LRRC14B: variants seen among roughly 807,000 people sequenced by gnomAD.
The protein encoded by LRRC14B is leucine rich repeat containing 14B.
Under a neutral mutation model 16.9 loss-of-function variants are expected in LRRC14B, and 23 were observed. The ratio of observed to expected loss-of-function variants is 1.36; its 90% CI spans 0.98 to 1.92. The LOEUF (loss-of-function observed/expected upper bound fraction) is 1.92. Among genes scored for constraint, LRRC14B ranks in the 30% most tolerant of loss-of-function variants. LRRC14B has a pLI of 0.00. For synonymous variants in LRRC14B, 358 were observed against 332.5 expected (o/e 1.08, Z -0.83); for missense variants, 766 against 705.7 (o/e 1.09, Z -0.97).
At chr5:193,516 GTGGGT>G in intron 1 of LRRC14B, among the ~76,000 whole-genome samples, 1 of 148,160 alleles carries the variant, frequency 6.7e-6, no homozygotes, top group African/African-American at 2.5e-5. Flanking sequence ...GTGCCTGGTG[GTGGGT>G]CCTGAAGTGG....
chr5:193,443 C>G (rs1399991395), intron 1 of LRRC14B, among the ~76,000 whole-genome samples: 7 of 133,928 alleles, frequency 5.2e-5, no homozygotes, highest in African/African-American at 2.1e-4. Context: ...GGGCACATGG[C>G]AGTGGGTCCT....
At position 191,917 on chromosome 5, in the gene LRRC14B, A is replaced by G; in HGVS notation, c.379A>G (p.Arg127Gly). ...DVQVQRCPCG[R>G]ALGRWGRTQL... is the part of the protein sequence containing the mutation. ...GCAGGTGCAGCGGTGCCCGTGCGGG[A>G]GGGCGCTGGGCAGGTGGGGCCGCAC... The change falls in exon 1 of 2, where the codon AGG (arginine) becomes GGG (glycine). Residue 127 changes from arginine to glycine, a missense_variant. Transcript: ENST00000328278. 1 of 1,504,402 alleles carries G rather than the reference A, an allele frequency of 6.6e-7. No individual in the cohort carries two copies. Among genetic ancestry groups the G allele is most frequent in the Non-Finnish European group, 8.8e-7 (1 of 1,131,588 alleles). 93.2% of individuals were successfully genotyped at this position (1,504,402 alleles called of 1,614,324 possible).
rs1446540904 is a variant in LRRC14B at position 195,005 on chromosome 5, G to A, written c.1197G>A (p.Pro399=). The A allele has an allele frequency of 1.1e-5, 18 of 1,613,096 alleles. No individual in the cohort carries two copies. The highest frequency in any genetic ancestry group is 2.7e-5 in the African/African-American group (2 of 74,936). The part of the protein sequence containing the change: ...RLRQLKFLGN[P]LSARALRRLF... ...GCCAGCTCAAGTTCCTCGGGAACCC[G>A]CTGTCGGCCCGCGCCCTCCGGCGCC... Residue 399 remains proline (P), a synonymous_variant, in exon 2 of 2, where the codon CCG becomes CCA. Transcript: ENST00000328278.
chr5:192,231 G>C lies in LRRC14B; in HGVS notation c.693G>C (p.Gln231His). The C allele has an allele frequency of 6.3e-7, 1 of 1,595,682 alleles. No individual in the cohort carries two copies. Among genetic ancestry groups the C allele is most frequent in the Non-Finnish European group, 8.5e-7 (1 of 1,172,012 alleles). Residue 231 changes from glutamine to histidine, a missense_variant, in exon 1 of 2, where the codon CAG (glutamine) becomes CAC (histidine). Physicochemically the swap from Gln to His is conservative, Grantham distance 24 (BLOSUM62 0). Coordinates refer to ENST00000328278, the MANE Select transcript of LRRC14B (RefSeq NM_001080478.3). Reference protein sequence around the residue: ...NVRLHAGHVQQLLAQVGFPRL... With the variant: ...NVRLHAGHVQHLLAQVGFPRL... Reference sequence around the variant, plus strand: ...GGCTGCATGCGGGCCACGTGCAGCAGCTTCTGGCCCAGGTGGGCTTCCCCC... The same window carrying C: ...GGCTGCATGCGGGCCACGTGCAGCACCTTCTGGCCCAGGTGGGCTTCCCCC...
intron 1 of LRRC14B, among the ~76,000 whole-genome samples, chr5:193,541 G>T (rs1419603276): frequency 6.9e-6 from 1 of 145,724 alleles, no homozygotes; most frequent in Non-Finnish European, 1.5e-5. Flanking sequence ...GGGGCACCTG[G>T]TGGTGAGTCC....
In LRRC14B at chr5:194,854, C is replaced by T. The variant is rs765538639; in HGVS notation, c.1046C>T (p.Ser349Leu). The change falls in exon 2 of 2, where the codon TCG becomes TTG. Residue 349 changes from serine to leucine, a missense_variant. Transcript: ENST00000328278. ...CACAACCTGGTCAGCCTGTACCCCT[C>T]GACCTTCTTCAGGCTGCTCAGCCAG... ...SGHNLVSLYP[S>L]TFFRLLSQAS... 1.1e-5 allele frequency: 17 copies of T among 1,593,308 alleles called. No homozygotes were observed. The highest frequency in any genetic ancestry group is 6.9e-5 in the East Asian group (3 of 43,532).
intron 1 of LRRC14B, among the ~76,000 whole-genome samples, chr5:193,236 G>T (rs1407355120): frequency 2.6e-5 from 4 of 151,264 alleles, no homozygotes; most frequent in Non-Finnish European, 4.4e-5. Context: ...AGCTGGCGGT[G>T]GGTATTGGGG....
Position 191,728 on chromosome 5 carries a change from C to T in LRRC14B, c.190C>T (p.Leu64=), listed in dbSNP as rs1733795225. The change falls in exon 1 of 2, where the codon CTG becomes TTG. Residue 64 remains leucine, a synonymous_variant. Coordinates refer to ENST00000328278, the MANE Select transcript of LRRC14B (RefSeq NM_001080478.3). ...LGRWPLEEFR[L]GALLGPGADH... ...GCGCTGGCCCCTGGAGGAGTTCCGG[C>T]TGGGAGCGCTGCTGGGTCCTGGTGC... 1.3e-6 allele frequency: 2 copies of T among 1,571,506 alleles called. No individual in the cohort carries two copies. Among genetic ancestry groups the T allele is most frequent in the Admixed American group, 1.9e-5 (1 of 53,998 alleles).
Position 194,951 on chromosome 5 carries a change from C to A in LRRC14B, c.1143C>A (p.Ile381=), listed in dbSNP as rs370177617. The A allele has an allele frequency of 2.5e-5, 40 of 1,613,464 alleles. No individual in the cohort carries two copies. The highest frequency in any genetic ancestry group is 3.2e-5 in the Non-Finnish European group (38 of 1,179,736). ...TAGACAGCCACGTTGGCATGCTGAT[C>A]CTGGGCCTGAGCCCCTGCCACCGGC... ...GIVDSHVGML[I]LGLSPCHRLR... The change falls in exon 2 of 2, where the codon ATC becomes ATA. Residue 381 remains isoleucine (I), a synonymous_variant. Coordinates refer to ENST00000328278, the MANE Select transcript of LRRC14B (RefSeq NM_001080478.3).
Position 192,257 on chromosome 5 carries a change from G to C in LRRC14B, c.719G>C (p.Arg240Pro). ...CTTCTGGCCCAGGTGGGCTTCCCCC[G>C]GCTGGCCTCGCTCACCCTGCCCACC... is the stretch of plus-strand genomic sequence containing the variant. ...QQLLAQVGFP[R>P]LASLTLPTKA... is the part of the protein sequence containing the mutation. The change falls in exon 1 of 2, where the codon CGG becomes CCG. Residue 240 changes from arginine to proline, a missense_variant. Coordinates refer to ENST00000328278, the MANE Select transcript of LRRC14B (RefSeq NM_001080478.3). The C allele has an allele frequency of 6.3e-7, 1 of 1,594,390 alleles. No individual in the cohort carries two copies. The highest frequency in any genetic ancestry group is 8.5e-7 in the Non-Finnish European group (1 of 1,171,268).
At position 194,965 on chromosome 5, in the gene LRRC14B, C is replaced by T; in HGVS notation, c.1157C>T (p.Pro386Leu). 2 of 1,613,612 alleles carry T rather than the reference C, an allele frequency of 1.2e-6. No homozygotes were observed. ...GGCATGCTGATCCTGGGCCTGAGCCCCTGCCACCGGCTGCGCCAGCTCAAG... is the reference window on the plus strand; with the variant it reads ...GGCATGCTGATCCTGGGCCTGAGCCTCTGCCACCGGCTGCGCCAGCTCAAG... Reference protein sequence around the residue: ...HVGMLILGLSPCHRLRQLKFL... With the variant: ...HVGMLILGLSLCHRLRQLKFL... Residue 386 changes from proline to leucine, a missense_variant, in exon 2 of 2, where the codon CCC becomes CTC. By Grantham distance (98) the Pro-to-Leu change is moderately conservative. Coordinates refer to ENST00000328278, the MANE Select transcript of LRRC14B (RefSeq NM_001080478.3).
chr5:194,578 T>C (rs1445251159), intron 1 of LRRC14B, 130 bp from the exon 2 acceptor site: 1 of 780,324 alleles, frequency 1.3e-6, no homozygotes, highest in Non-Finnish European at 2.0e-6. Context: ...CTGTATGAAA[T>C]TAGGCGGTGG....
chr5:193,533 GGCACCT>G (rs1160809896), intron 1 of LRRC14B, among the ~76,000 whole-genome samples: 79 of 148,536 alleles, frequency 5.3e-4, no homozygotes, highest in Admixed American at 1.5e-3. Context: ...CTGAAGTGGG[GGCACCT>G]GGTGGTGAGT....
In LRRC14B at chr5:191,764, C is replaced by G. The variant is rs775802523; in HGVS notation, c.226C>G (p.Gln76Glu). The G allele has an allele frequency of 3.2e-6, 5 of 1,546,858 alleles. No homozygotes were observed. In the Admixed American group the frequency reaches 5.8e-5, roughly 18 times the overall value. ...ALLGPGADHP[Q>E]DLRDRTCRAC... The stretch of plus-strand genomic sequence containing the variant: ...GCTGGGTCCTGGTGCCGACCACCCC[C>G]AGGACCTGCGCGACAGAACCTGCAG... Residue 76 changes from glutamine to glutamate, a missense_variant, in exon 1 of 2, where the codon CAG becomes GAG. Transcript: ENST00000328278.
Position 191,754 on chromosome 5 carries a change from C to T in LRRC14B, c.216C>T (p.Ala72=), listed in dbSNP as rs544622005. ...FRLGALLGPG[A]DHPQDLRDRT... The stretch of plus-strand genomic sequence containing the variant: ...TGGGAGCGCTGCTGGGTCCTGGTGC[C>T]GACCACCCCCAGGACCTGCGCGACA... The change falls in exon 1 of 2, where the codon GCC becomes GCT. Residue 72 remains alanine (A), a synonymous_variant. Transcript: ENST00000328278. 9.7e-6 allele frequency: 15 copies of T among 1,552,784 alleles called. No homozygotes were observed. The highest frequency in any genetic ancestry group is 1.7e-4 in the Middle Eastern group (1 of 5,824).
At chr5:193,710 C>T (rs1733855386) in intron 1 of LRRC14B, among the ~76,000 whole-genome samples, 2 of 150,996 alleles carry the variant, frequency 1.3e-5, no homozygotes, top group Admixed American at 1.3e-4. Flanking sequence ...GGGGGCATGC[C>T]TGGCGTGGTT....
intron 1 of LRRC14B, 55 bp from the exon 2 acceptor site, chr5:194,653 C>T (rs554725372): frequency 6.6e-6 from 10 of 1,512,440 alleles, no homozygotes; most frequent in Non-Finnish European, 7.1e-6. Flanking sequence ...CCTGAGCCCT[C>T]GGCTCCTTCC....
rs891342896 is a variant in LRRC14B at position 195,675 on chromosome 5, C to T, written c.*322C>T. On this transcript the variant is annotated 3_prime_UTR_variant, in exon 2 of 2. Coordinates refer to ENST00000328278, the MANE Select transcript of LRRC14B (RefSeq NM_001080478.3). ...AAGCCCGGGAGGTGTGAGGAGTGGC[C>T]GACCTGGCCTCAGCGCATCTGGGCA... The T allele has an allele frequency of 1.2e-4, 47 of 388,028 alleles. No homozygotes were observed. Among genetic ancestry groups the T allele is most frequent in the Middle Eastern group, 7.7e-4 (1 of 1,296 alleles). 24.0% of individuals were successfully genotyped at this position (388,028 alleles called of 1,614,324 possible).
At chr5:193,420 T>C (rs1406042847) in intron 1 of LRRC14B, among the ~76,000 whole-genome samples, 2 of 139,304 alleles carry the variant, frequency 1.4e-5, no homozygotes, top group Admixed American at 7.0e-5. Flanking sequence ...TGGCGGTGGG[T>C]TCTGGGGGCT....
Sources: gnomAD v4.1 joint callset for allele counts (sites outside exome capture counted in the v4.1 genomes callset) on GRCh38, gnomAD v4.1.1 for gene constraint, MANE v1.5 for transcripts, NCBI Gene and HGNC (gene_info 2026-07-23, HGNC 2026-07-21) for gene names.